COQ5: variants seen among roughly 807,000 people sequenced by gnomAD.
COQ5 encodes the protein 2-methoxy-6-polyprenyl-1,4-benzoquinol methylase, mitochondrial.
A neutral mutation model predicts 40.5 loss-of-function variants in COQ5; 27 were observed. The observed-to-expected ratio is 0.67, with a 90% CI of 0.49 to 0.92. COQ5 has a LOEUF of 0.92. Ranked by LOEUF, COQ5 falls within the 40% of genes least tolerant of loss-of-function variation. COQ5 has a pLI of 0.00. For missense variants in COQ5, 409 were observed against 406.4 expected (o/e 1.01, Z -0.06); for synonymous variants, 141 against 150.0 (o/e 0.94, Z 0.44).
intron 2 of COQ5, among the ~76,000 whole-genome samples, chr12:120,520,011 T>C (rs1349254952): frequency 6.6e-6 from 1 of 152,060 alleles, no homozygotes; most frequent in Admixed American, 6.6e-5. Flanking sequence ...CACACCAACA[T>C]AGCTACAGAT....
chr12:120,526,239 CTTT>C (rs1228734166), intron 1 of COQ5, among the ~76,000 whole-genome samples: 33 of 152,196 alleles, frequency 2.2e-4, no homozygotes, highest in Admixed American at 2.2e-3. Context: ...TGTATTGCCT[CTTT>C]ATCTTTCAGT....
chr12:120,508,146 C>T (rs1246907063), intron 4 of COQ5, among the ~76,000 whole-genome samples: 1 of 151,678 alleles, frequency 6.6e-6, no homozygotes. Context: ...CAGGTTCGTG[C>T]CGCCACGCCC....
chr12:120,507,743 C>T (rs1021848042), intron 4 of COQ5, among the ~76,000 whole-genome samples: 19 of 148,634 alleles, frequency 1.3e-4, no homozygotes, highest in African/African-American at 3.7e-4. Flanking sequence ...CAAAATTAGT[C>T]GGGCATGGTG....
intron 4 of COQ5, among the ~76,000 whole-genome samples, chr12:120,505,424 G>T (rs936513066): frequency 8.6e-5 from 13 of 151,170 alleles, no homozygotes; most frequent in Non-Finnish European, 1.9e-4. Flanking sequence ...GCCTTGCTCT[G>T]TCGCCCAGAC....
chr12:120,528,834 A>G (rs1870086374), intron 1 of COQ5, 106 bp downstream of exon 1: 9 of 1,078,680 alleles, frequency 8.3e-6, no homozygotes, highest in South Asian at 1.3e-5. Context: ...AACTGCACAG[A>G]CAACAACACT....
chr12:120,518,615 A>G (rs893807817), intron 2 of COQ5, among the ~76,000 whole-genome samples: 6 of 151,018 alleles, frequency 4.0e-5, no homozygotes, highest in Admixed American at 3.3e-4. Flanking sequence ...CCCAGGCTAG[A>G]GTGCAGTAGC....
chr12:120,505,214 T>C (rs1224493007), intron 4 of COQ5, among the ~76,000 whole-genome samples: 1 of 152,200 alleles, frequency 6.6e-6, no homozygotes, highest in East Asian at 1.9e-4. Context: ...TAATCTAAAC[T>C]GACTACAGAT....
At chr12:120,524,829 T>A (rs929499756) in intron 1 of COQ5, among the ~76,000 whole-genome samples, 25 of 151,962 alleles carry the variant, frequency 1.6e-4, no homozygotes, top group African/African-American at 5.5e-4. Context: ...TTTTTTTAAA[T>A]TTTTTTTGGG....
At position 120,516,826 on chromosome 12, in the gene COQ5, AC is replaced by A. The variant is rs567938478; in HGVS notation, c.353-39del. On this transcript the variant is annotated intron_variant, in intron 2 of 6. Coordinates refer to ENST00000288532, the MANE Select transcript of COQ5 (RefSeq NM_032314.4). ...AACATGAGGAAAGATGCAGACTAAAACAAAAATAAAAAAGGAAGAAACAGCA... is the reference window on the plus strand; with the variant it reads ...AACATGAGGAAAGATGCAGACTAAAAAAAAATAAAAAAGGAAGAAACAGCA... The A allele has an allele frequency of 2.1e-4, 327 of 1,562,914 alleles. 1 individual carries two copies. Among genetic ancestry groups the A allele is most frequent in the Middle Eastern group, 1.2e-3 (7 of 5,956 alleles).
At chr12:120,522,138 G>A in intron 2 of COQ5, 76 bp downstream of exon 2, 2 of 1,487,816 alleles carry the variant, frequency 1.3e-6, no homozygotes, top group Non-Finnish European at 1.9e-6. Context: ...TGTTAGGTGA[G>A]CTAGCTCATT....
At chr12:120,522,822 A>G (rs1221588541) in intron 1 of COQ5, 3 of 678,166 alleles carry the variant, frequency 4.4e-6, no homozygotes, top group South Asian at 3.5e-5. Flanking sequence ...GGGGTGGGCA[A>G]TGTAGGCAAG....
rs138814195 is a variant in COQ5, at chr12:120,522,206, G to A, written c.352+8C>T. 3.3e-4 allele frequency: 539 copies of A among 1,613,876 alleles called. No individual in the cohort carries two copies. The highest frequency in any genetic ancestry group is 4.3e-4 in the Non-Finnish European group (512 of 1,179,970). On this transcript the variant is annotated splice_region_variant and intron_variant, in intron 2 of 6. Transcript: ENST00000288532. ...AATGGTAGTGAAGGATACCAAACTC[G>A]ACATTACCTGTGCCTCCAGCAACAT...
chr12:120,522,282 T>C lies in COQ5; in HGVS notation c.284A>G (p.Lys95Arg). Residue 95 changes from lysine (K) to arginine (R), a missense_variant, in exon 2 of 7, where the codon AAG becomes AGG. Coordinates refer to ENST00000288532, the MANE Select transcript of COQ5 (RefSeq NM_032314.4). ...GTGCATCTTCCAGAGCAGCAAATCC[T>C]TCCAAACACGATGGATACCAAGACT... ...MMSLGIHRVW[K>R]DLLLWKMHPL... The C allele has an allele frequency of 6.2e-7, 1 of 1,614,048 alleles. No homozygotes were observed. Among genetic ancestry groups the C allele is most frequent in the Middle Eastern group, 1.6e-4 (1 of 6,062 alleles).
At chr12:120,523,791 C>T (rs564000720) in intron 1 of COQ5, 32 of 250,102 alleles carry the variant, frequency 1.3e-4, no homozygotes, top group African/African-American at 6.1e-4. Context: ...GGGTGGTTCA[C>T]TCGAGGCCAG....
chr12:120,521,278 T>G (rs898932469), intron 2 of COQ5, among the ~76,000 whole-genome samples: 5 of 151,756 alleles, frequency 3.3e-5, no homozygotes, highest in Non-Finnish European at 7.4e-5. Flanking sequence ...TGTTGGCCAG[T>G]CTGGTCTTGA....
chr12:120,527,230 G>C (rs184113177), intron 1 of COQ5: 1 of 151,936 alleles, frequency 6.6e-6, no homozygotes, highest in Non-Finnish European at 1.5e-5. Flanking sequence ...TTACAGGCGT[G>C]CGTCACCATG....
Position 120,504,885 on chromosome 12 carries a change from C to T in COQ5, c.770+10G>A. On this transcript the variant is annotated intron_variant, in intron 5 of 6. Transcript: ENST00000288532. ...TACAATGAAGATAAAGCCCTATTAA[C>T]AATGCCAACCTGGATATGAGGGGAT... 1 of 1,612,666 alleles carries T rather than the reference C, an allele frequency of 6.2e-7. No homozygotes were observed. The highest frequency in any genetic ancestry group is 1.1e-5 in the South Asian group (1 of 91,058).
intron 2 of COQ5, 101 bp downstream of exon 2, chr12:120,522,113 C>A: frequency 8.2e-7 from 1 of 1,220,540 alleles, no homozygotes; most frequent in South Asian, 1.3e-5. Context: ...TTTTCAATCA[C>A]CATCTTCCGC....
chr12:120,528,932 CCT>C lies in COQ5; in HGVS notation c.202+6_202+7del, dbSNP rs752838666. 1.2e-6 allele frequency: 2 copies of C among 1,613,854 alleles called. No individual in the cohort carries two copies. Among genetic ancestry groups the C allele is most frequent in the South Asian group, 2.2e-5 (2 of 91,080 alleles). ...GATCCCTCCCATCCGCCCTCTCGCC[CCT>C]TTCACCTTTGCCCCCCTTCTCCTCT... On this transcript the variant is annotated splice_donor_region_variant and intron_variant, in intron 1 of 6. Coordinates refer to ENST00000288532, the MANE Select transcript of COQ5 (RefSeq NM_032314.4).
Sources: gnomAD v4.1 joint callset for allele counts (sites outside exome capture counted in the v4.1 genomes callset) on GRCh38, gnomAD v4.1.1 for gene constraint, MANE v1.5 for transcripts, NCBI Gene and HGNC (gene_info 2026-07-23, HGNC 2026-07-21) for gene names.